MAST2: variants seen among roughly 807,000 people sequenced by gnomAD.
MAST2 encodes microtubule associated serine/threonine kinase 2.
Under a neutral mutation model 147.4 loss-of-function variants are expected in MAST2, and 70 were observed. The observed-to-expected ratio is 0.47, with a 90% confidence interval of 0.39 to 0.58. MAST2 has a LOEUF of 0.58. Among genes scored for constraint, MAST2 ranks in the 20% least tolerant of loss-of-function variants. The pLI is 0.00. For missense variants in MAST2, 2,080 were observed against 2,302.3 expected (o/e 0.90, Z 1.98); for synonymous variants, 869 against 896.8 (o/e 0.97, Z 0.55).
At chr1:46,000,166 T>C (rs1645215869) in intron 6 of MAST2, among the ~76,000 whole-genome samples, 1 of 151,930 alleles carries the variant, frequency 6.6e-6, no homozygotes, top group Admixed American at 6.6e-5. Context: ...ATACAAAAAT[T>C]AGCCGGGCAT....
intron 1 of MAST2, among the ~76,000 whole-genome samples, chr1:45,821,515 C>CTT (rs59159342): frequency 4.0e-3 from 285 of 70,678 alleles, no homozygotes; most frequent in Non-Finnish European, 4.8e-3. Context: ...GTTATTTCTT[C>CTT]TTTTTTTTTT....
chr1:46,012,322 C>T (rs1340596774), intron 10 of MAST2, among the ~76,000 whole-genome samples: 1 of 152,102 alleles, frequency 6.6e-6, no homozygotes, highest in Non-Finnish European at 1.5e-5. Context: ...AGGCATTTTC[C>T]CAGATTGACT....
chr1:45,892,441 A>G (rs978545154), intron 4 of MAST2, among the ~76,000 whole-genome samples: 9 of 152,348 alleles, frequency 5.9e-5, no homozygotes, highest in Admixed American at 3.9e-4. Context: ...TACTATAATC[A>G]TTTCTTATAG....
rs753189366 is a variant in MAST2 at position 46,035,263 on chromosome 1, A to T, written c.4594A>T (p.Ser1532Cys). ...GGCACCTCACCCAGAAGTGAGCCAG[A>T]GTGTGGCCCCTAAAGGAGCAGGAGA... ...SLAPHPEVSQ[S>C]VAPKGAGESG... The change falls in exon 29 of 29, where the codon AGT becomes TGT. Residue 1532 changes from serine (S) to cysteine (C), a missense_variant. This residue lies in a region of MAST2 where 1,278 missense variants were observed against 1,304.2 expected (regional missense o/e 0.98). Transcript: ENST00000361297. The surrounding 1 kb of genome is among the most constrained non-coding windows in gnomAD (Gnocchi z 5.5). 3.7e-6 allele frequency: 6 copies of T among 1,613,934 alleles called. No homozygotes were observed. In the Admixed American group the frequency reaches 6.7e-5, roughly 18 times the overall value.
At chr1:45,990,391 T>C (rs983717271) in intron 5 of MAST2, among the ~76,000 whole-genome samples, 28 of 152,196 alleles carry the variant, frequency 1.8e-4, no homozygotes, top group African/African-American at 6.8e-4. Context: ...TTGGGTTGTT[T>C]GTTTTCTTGT....
chr1:45,905,676 T>C (rs1390468313), intron 4 of MAST2, among the ~76,000 whole-genome samples: 1 of 151,552 alleles, frequency 6.6e-6, no homozygotes, highest in Non-Finnish European at 1.5e-5. Context: ...CTTGGGAGGC[T>C]GAGGCAGGAG....
In MAST2 at chr1:46,029,923, G is replaced by A. The variant is rs778616626; in HGVS notation, c.2413G>A (p.Glu805Lys). ...RQKAEFIPQL[E>K]SEDDTSYFDT... ...GAAGGCTGAATTTATTCCTCAGTTG[G>A]AGTCAGAGGATGATACTAGCTATTT... Residue 805 changes from glutamate to lysine, a missense_variant, in exon 20 of 29, where the codon GAG becomes AAG. Physicochemically the swap from Glu to Lys is moderately conservative, Grantham distance 56 (BLOSUM62 1). Coordinates refer to ENST00000361297, the MANE Select transcript of MAST2 (RefSeq NM_015112.3). 1 of 1,614,014 alleles carries A rather than the reference G, an allele frequency of 6.2e-7. No homozygotes were observed. The highest frequency in any genetic ancestry group is 1.3e-5 in the African/African-American group (1 of 74,944).
chr1:46,032,759 C>T lies in MAST2; in HGVS notation c.3537+41C>T, dbSNP rs1262068380. The T allele has an allele frequency of 1.9e-6, 3 of 1,592,702 alleles. No homozygotes were observed. The African/African-American group carries it at 4.0e-5, about 21-fold the overall frequency. ...GCTGCCTGCATGGTCCCTGAATGAC[C>T]TCAGCCTGTGAGTCTGTGATGGCAG... On this transcript the variant is annotated intron_variant, in intron 26 of 28. Coordinates refer to ENST00000361297, the MANE Select transcript of MAST2 (RefSeq NM_015112.3).
intron 4 of MAST2, among the ~76,000 whole-genome samples, chr1:45,927,988 A>G (rs573193800): frequency 3.5e-4 from 53 of 152,346 alleles, no homozygotes; most frequent in African/African-American, 1.2e-3. Context: ...TTCCTGCAAT[A>G]CTTGCCTAAG....
intron 3 of MAST2, among the ~76,000 whole-genome samples, chr1:45,835,792 C>A (rs1645085774): frequency 6.6e-6 from 1 of 152,130 alleles, no homozygotes; most frequent in Non-Finnish European, 1.5e-5. Flanking sequence ...AGGGCAACCA[C>A]TAATCTGCTT....
intron 3 of MAST2, among the ~76,000 whole-genome samples, chr1:45,874,442 A>G (rs77145326): frequency 1.3e-3 from 203 of 152,348 alleles, no homozygotes; most frequent in Middle Eastern, 3.4e-3. Context: ...CTCTCCATGG[A>G]GTAACTACCA....
intron 4 of MAST2, among the ~76,000 whole-genome samples, chr1:45,930,368 C>T (rs1262119151): frequency 2.8e-5 from 4 of 144,976 alleles, no homozygotes; most frequent in African/African-American, 1.0e-4. Flanking sequence ...TGTGAGCCAC[C>T]GCGCCTGGCC....
chr1:45,803,915 G>A lies in MAST2; in HGVS notation c.20G>A (p.Arg7His), dbSNP rs1413897114. Residue 7 changes from arginine to histidine, a missense_variant, in exon 1 of 29, where the codon CGC becomes CAC. Around this residue, in one of 4 missense-constraint regions of MAST2, gnomAD observed 24 missense variants for 46.1 expected, o/e 0.52. Coordinates refer to ENST00000361297, the MANE Select transcript of MAST2 (RefSeq NM_015112.3). Reference sequence around the variant, plus strand: ...GCAGATATGAAGCGGAGCCGCTGCCGCGACCGACCGCAGCCGCCGCCGCCC... The same window carrying A: ...GCAGATATGAAGCGGAGCCGCTGCCACGACCGACCGCAGCCGCCGCCGCCC... MKRSRC[R>H]DRPQPPPPDR... 3 of 682,166 alleles carry A rather than the reference G, an allele frequency of 4.4e-6. No homozygotes were observed. Among genetic ancestry groups the A allele is most frequent in the Non-Finnish European group, 6.5e-6 (3 of 462,424 alleles). 42.3% of individuals were successfully genotyped at this position (682,166 alleles called of 1,614,324 possible).
chr1:46,034,191 C>T lies in MAST2; in HGVS notation c.3793C>T (p.Pro1265Ser). Reference protein sequence around the residue: ...LSSGESGPGSPTHSHSLSPRS... With the variant: ...LSSGESGPGSSTHSHSLSPRS... Reference sequence around the variant, plus strand: ...ATCAGGGGAGAGTGGGCCAGGCTCTCCCACACACAGCCACAGCCTTTCCCC... The same window carrying T: ...ATCAGGGGAGAGTGGGCCAGGCTCTTCCACACACAGCCACAGCCTTTCCCC... Residue 1265 changes from proline (P) to serine (S), a missense_variant, in exon 28 of 29, where the codon CCC (proline) becomes TCC (serine). Pro to Ser is a moderately conservative substitution (Grantham distance 74). Coordinates refer to ENST00000361297, the MANE Select transcript of MAST2 (RefSeq NM_015112.3). 6.2e-7 allele frequency: 1 copy of T among 1,614,170 alleles called. No individual in the cohort carries two copies. Among genetic ancestry groups the T allele is most frequent in the East Asian group, 2.2e-5 (1 of 44,880 alleles).
intron 4 of MAST2, among the ~76,000 whole-genome samples, chr1:45,936,339 AAG>A (rs1190325582): frequency 1.3e-5 from 2 of 152,100 alleles, no homozygotes; most frequent in African/African-American, 4.8e-5. Flanking sequence ...ATTGTCTGTG[AAG>A]AGAGAGAGTT....
chr1:45,811,115 T>C (rs1644278521), intron 1 of MAST2, among the ~76,000 whole-genome samples: 1 of 151,134 alleles, frequency 6.6e-6, no homozygotes. Context: ...CCTCTCAAAG[T>C]GTTGGGATTA....
At chr1:45,922,774 C>A (rs1310412427) in intron 4 of MAST2, among the ~76,000 whole-genome samples, 3 of 151,984 alleles carry the variant, frequency 2.0e-5, no homozygotes, top group African/African-American at 7.3e-5. Context: ...GGGGCTCCCA[C>A]TTTTCCCTGG....
In MAST2 at chr1:45,934,384, G is replaced by C. The variant is rs1351884131; in HGVS notation, c.501-25002G>C. Among the ~76,000 whole-genome samples, 6 of 152,246 alleles carry C rather than the reference G, an allele frequency of 3.9e-5. No homozygotes were observed. In the East Asian group the frequency reaches 1.2e-3, roughly 30 times the overall value. On this transcript the variant is annotated intron_variant, in intron 4 of 28. Transcript: ENST00000361297. ...GCCTGTATTTCCAGCTACTCGGGAG[G>C]CTGAGGCAGGAGAATGGCCTGAACC...
chr1:45,995,317 G>A (rs1467767224), intron 5 of MAST2, among the ~76,000 whole-genome samples: 1 of 152,114 alleles, frequency 6.6e-6, no homozygotes, highest in African/African-American at 2.4e-5. Context: ...AGTTTTGAGC[G>A]ATTTGACTGG....
Sources: allele counts gnomAD v4.1 joint callset (sites outside exome capture counted in the v4.1 genomes callset), GRCh38; gene constraint gnomAD v4.1.1; regional missense constraint gnomAD v4.1.1; non-coding constraint Gnocchi (gnomAD v3.1); transcripts MANE v1.5; gene names NCBI Gene and HGNC (gene_info 2026-07-23, HGNC 2026-07-21).